Variants in PRKG1 observed in about 807,000 individuals in gnomAD.
PRKG1 encodes protein kinase cGMP-dependent 1.
PRKG1 carries 35 observed loss-of-function variants against 88.1 expected under a neutral mutation model. That is an observed-to-expected ratio of 0.40 (90% CI 0.30 to 0.53). The LOEUF is 0.53. Among genes scored for constraint, PRKG1 ranks in the 20% least tolerant of loss-of-function variants. PRKG1 has a pLI of 0.59. For synonymous variants in PRKG1, 303 were observed against 292.5 expected (o/e 1.04, Z -0.37); for missense variants, 540 against 839.8 (o/e 0.64, Z 4.41).
chr10:51,935,392 C>T (rs1842780070), intron 5 of PRKG1, among the ~76,000 whole-genome samples: 1 of 152,060 alleles, frequency 6.6e-6, no homozygotes, highest in Admixed American at 6.6e-5. Context: ...CAAACAAACA[C>T]AAGAGCAATT....
At chr10:51,138,670 G>GTTTTTT (rs1402122952) in intron 1 of PRKG1, among the ~76,000 whole-genome samples, 12 of 67,070 alleles carry the variant, frequency 1.8e-4, no homozygotes, top group South Asian at 7.5e-4. Context: ...TGGACATTGA[G>GTTTTTT]TTTTGTTTTT....
At chr10:51,405,863 A>C (rs1434069718) in intron 2 of PRKG1, among the ~76,000 whole-genome samples, 1 of 152,232 alleles carries the variant, frequency 6.6e-6, no homozygotes, top group Non-Finnish European at 1.5e-5. Flanking sequence ...CAAGTTCCAC[A>C]GAGAACTCAG....
intron 7 of PRKG1, among the ~76,000 whole-genome samples, chr10:52,123,934 T>C (rs191120067): frequency 6.6e-6 from 1 of 152,314 alleles, no homozygotes; most frequent in Non-Finnish European, 1.5e-5. Context: ...TTCTTTTCTT[T>C]TACTCAATCT....
chr10:51,585,916 A>C (rs1446673248), intron 3 of PRKG1, among the ~76,000 whole-genome samples: 1 of 152,146 alleles, frequency 6.6e-6, no homozygotes, highest in Non-Finnish European at 1.5e-5. Flanking sequence ...GGAGATAAAC[A>C]TGATAAACGG....
chr10:52,097,734 C>A (rs188976564), intron 7 of PRKG1, among the ~76,000 whole-genome samples: 2 of 148,330 alleles, frequency 1.3e-5, no homozygotes, highest in Non-Finnish European at 3.0e-5. Flanking sequence ...AATTATTTTG[C>A]GAATGGTGTG....
intron 1 of PRKG1, among the ~76,000 whole-genome samples, chr10:50,997,265 T>C (rs1842845646): frequency 6.6e-6 from 1 of 152,238 alleles, no homozygotes; most frequent in Admixed American, 6.5e-5. Context: ...TTGATTTTGC[T>C]TTGGGGTTAG....
intron 7 of PRKG1, among the ~76,000 whole-genome samples, chr10:52,087,584 T>C (rs1370802351): frequency 6.6e-6 from 1 of 152,184 alleles, no homozygotes; most frequent in Non-Finnish European, 1.5e-5. Context: ...ACCTTTTCCA[T>C]GTTTTAGAGA....
At chr10:52,246,876 C>CAAAAAAA (rs756775020) in intron 9 of PRKG1, among the ~76,000 whole-genome samples, 2 of 57,224 alleles carry the variant, frequency 3.5e-5, no homozygotes, top group African/African-American at 6.6e-5. Context: ...AACACAGTCT[C>CAAAAAAA]AAAAAAAAAA....
At chr10:51,522,810 T>C (rs1468035386) in intron 3 of PRKG1, among the ~76,000 whole-genome samples, 3 of 152,146 alleles carry the variant, frequency 2.0e-5, no homozygotes, top group Admixed American at 6.6e-5. Flanking sequence ...AATTCTGAAA[T>C]GTGTTGTTGC....
At chr10:51,236,859 T>C (rs1839007143) in intron 2 of PRKG1, among the ~76,000 whole-genome samples, 1 of 152,134 alleles carries the variant, frequency 6.6e-6, no homozygotes, top group Admixed American at 6.6e-5. Context: ...TTTGAATTAA[T>C]TAACCTACAT....
chr10:52,119,438 G>T lies in PRKG1; in HGVS notation c.936-14402G>T, dbSNP rs374151042. On this transcript the variant is annotated intron_variant, in intron 7 of 17. Transcript: ENST00000373980. ...TCTAGAATTCTGATGAGAGAACACA[G>T]TCCAGTTTTGAGGTATTTTAGGTAA... is the stretch of plus-strand genomic sequence containing the variant. Among the ~76,000 whole-genome samples, 41 of 152,312 alleles carry T rather than the reference G, an allele frequency of 2.7e-4. No homozygotes were observed. In the East Asian group the frequency reaches 7.9e-3, roughly 29 times the overall value.
chr10:51,388,814 G>A (rs1267486539), intron 2 of PRKG1, among the ~76,000 whole-genome samples: 1 of 152,164 alleles, frequency 6.6e-6, no homozygotes, highest in African/African-American at 2.4e-5. Context: ...CCAGCAAGGT[G>A]GTCTGGTTAA....
intron 7 of PRKG1, among the ~76,000 whole-genome samples, chr10:52,079,051 A>G (rs4935028): frequency 0.43 from 65,436 of 152,084 alleles, 15,100 homozygotes; most frequent in East Asian, 0.62. Context: ...TTGCTCTTCA[A>G]ACAGTTTCCT....
At chr10:51,208,861 T>G (rs1838135541) in intron 2 of PRKG1, among the ~76,000 whole-genome samples, 1 of 152,210 alleles carries the variant, frequency 6.6e-6, no homozygotes, top group Non-Finnish European at 1.5e-5. Flanking sequence ...GACTATCATG[T>G]AGAAAATTAG....
intron 2 of PRKG1, among the ~76,000 whole-genome samples, chr10:51,418,511 A>G (rs953385500): frequency 6.6e-6 from 1 of 152,216 alleles, no homozygotes; most frequent in African/African-American, 2.4e-5. Context: ...TACGGACCTA[A>G]CTACAGATAT....
intron 8 of PRKG1, among the ~76,000 whole-genome samples, chr10:52,159,132 TA>T (rs1838209089): frequency 6.6e-6 from 1 of 151,614 alleles, no homozygotes; most frequent in Non-Finnish European, 1.5e-5. Context: ...GGTGATTTCT[TA>T]ATTTCTCCAT....
At chr10:51,982,970 C>A (rs757190230) in intron 5 of PRKG1, among the ~76,000 whole-genome samples, 4 of 152,112 alleles carry the variant, frequency 2.6e-5, no homozygotes, top group Admixed American at 6.5e-5. Flanking sequence ...CATGGTTGTG[C>A]TGGTGACGGT....
intron 12 of PRKG1, among the ~76,000 whole-genome samples, chr10:52,274,152 TG>T (rs1372286990): frequency 6.6e-6 from 1 of 151,846 alleles, no homozygotes; most frequent in Non-Finnish European, 1.5e-5. Context: ...CATAAGTTAT[TG>T]GGGTACAGGT....
chr10:51,631,102 CT>C (rs780082654), intron 3 of PRKG1, among the ~76,000 whole-genome samples: 4 of 152,194 alleles, frequency 2.6e-5, no homozygotes, highest in Non-Finnish European at 4.4e-5. Flanking sequence ...TGTAAATCAC[CT>C]GTTGTGCTGA....
Sources: gnomAD v4.1 joint callset for allele counts (sites outside exome capture counted in the v4.1 genomes callset) on GRCh38, gnomAD v4.1.1 for gene constraint, MANE v1.5 for transcripts, NCBI Gene and HGNC (gene_info 2026-07-23, HGNC 2026-07-21) for gene names.